The following SCAND3 variants were observed in gnomAD, a reference collection of about 807,000 sequenced individuals.
SCAND3 encodes SCAN domain containing 3.
At chr6:28,608,069 C>A in the SCAND3 span, among the ~76,000 whole-genome samples, 1 of 152,212 alleles carries the variant, frequency 6.6e-6, no homozygotes, top group South Asian at 2.1e-4. Flanking sequence ...GTAAACACTG[C>A]GTTCAAGGAG....
chr6:28,615,150 C>T, the SCAND3 span, among the ~76,000 whole-genome samples: 1 of 152,212 alleles, frequency 6.6e-6, no homozygotes, highest in Admixed American at 6.5e-5. Context: ...CAGCCTCCTT[C>T]TCCTCCTGCC....
At chr6:28,597,106 C>T in the SCAND3 span, among the ~76,000 whole-genome samples, 1 of 152,248 alleles carries the variant, frequency 6.6e-6, no homozygotes, top group East Asian at 1.9e-4. Flanking sequence ...TAAACACTAC[C>T]CAAATGTTTC....
chr6:28,612,719 A>G, the SCAND3 span, among the ~76,000 whole-genome samples: 2 of 152,324 alleles, frequency 1.3e-5, no homozygotes, highest in South Asian at 4.1e-4. Context: ...TCAATTAAGG[A>G]CTTAAGTTTG....
the SCAND3 span, among the ~76,000 whole-genome samples, chr6:28,604,537 G>T: frequency 5.3e-5 from 8 of 151,018 alleles, no homozygotes; most frequent in East Asian, 1.6e-3. Flanking sequence ...AATTGCTTGA[G>T]CCCGGGACGC....
chr6:28,605,555 C>T, the SCAND3 span, among the ~76,000 whole-genome samples: 51 of 151,916 alleles, frequency 3.4e-4, no homozygotes, highest in African/African-American at 1.2e-3. Context: ...GAAATGAGGC[C>T]GGGAGCAGTG....
the SCAND3 span, among the ~76,000 whole-genome samples, chr6:28,578,584 G>A: frequency 6.6e-6 from 1 of 152,228 alleles, no homozygotes; most frequent in Non-Finnish European, 1.5e-5. Context: ...TTTGTGCCAT[G>A]CTATAGAACT....
chr6:28,572,609 T>C, the SCAND3 span: 1 of 1,614,012 alleles, frequency 6.2e-7, no homozygotes, highest in Admixed American at 1.7e-5. The surrounding 1 kb of genome is among the most constrained non-coding windows in gnomAD (Gnocchi z 4.1). Flanking sequence ...TTCACATCTT[T>C]AAAAAGTTGG....
the SCAND3 span, among the ~76,000 whole-genome samples, chr6:28,600,843 TGTTC>T: frequency 6.6e-6 from 1 of 151,948 alleles, no homozygotes; most frequent in African/African-American, 2.4e-5. Flanking sequence ...TGGTTTTGTT[TGTTC>T]GTTCTTTTTG....
chr6:28,573,717 C>G, the SCAND3 span: 4 of 1,609,012 alleles, frequency 2.5e-6, no homozygotes, highest in Non-Finnish European at 3.4e-6. Context: ...TTTTGGTTTT[C>G]CCTTCTTCAG....
the SCAND3 span, among the ~76,000 whole-genome samples, chr6:28,615,641 T>TG: frequency 6.6e-6 from 1 of 150,970 alleles, no homozygotes; most frequent in Non-Finnish European, 1.5e-5. Flanking sequence ...AAAAAGTACT[T>TG]GGAGTTGTCA....
the SCAND3 span, chr6:28,589,443 T>C: frequency 6.6e-6 from 1 of 152,182 alleles, no homozygotes; most frequent in African/African-American, 2.4e-5. Context: ...CGAATCTCGG[T>C]GGGACCTTTC....
chr6:28,579,299 G>A, the SCAND3 span: 25 of 1,613,764 alleles, frequency 1.5e-5, no homozygotes, highest in Non-Finnish European at 2.0e-5. The surrounding 1 kb of genome is among the most constrained non-coding windows in gnomAD (Gnocchi z 4.5). Flanking sequence ...TGTGGCTCTG[G>A]AGATTCACAT....
chr6:28,579,308 A>C, the SCAND3 span: 136 of 1,614,034 alleles, frequency 8.4e-5, no homozygotes, highest in African/African-American at 1.6e-3. The surrounding 1 kb of genome is among the most constrained non-coding windows in gnomAD (Gnocchi z 4.5). Flanking sequence ...GGAGATTCAC[A>C]TTCCATTCTA....
At chr6:28,571,808 C>A in the SCAND3 span, 1 of 1,426,416 alleles carries the variant, frequency 7.0e-7, no homozygotes, top group Non-Finnish European at 9.3e-7. Context: ...ACTTCCATAA[C>A]TGTAACTAGA....
chr6:28,579,541 G>T, the SCAND3 span: 1 of 908,146 alleles, frequency 1.1e-6, no homozygotes, highest in Non-Finnish European at 1.7e-6. The surrounding 1 kb of genome is among the most constrained non-coding windows in gnomAD (Gnocchi z 4.5). Flanking sequence ...GAATTCTTAA[G>T]TACAAGATAA....
At chr6:28,590,082 C>T in the SCAND3 span, 1 of 152,236 alleles carries the variant, frequency 6.6e-6, no homozygotes, top group Admixed American at 6.5e-5. Context: ...GTCTTCCAGC[C>T]GGAGAGAAAA....
the SCAND3 span, chr6:28,591,398 C>T: frequency 6.6e-6 from 1 of 152,132 alleles, no homozygotes; most frequent in South Asian, 2.1e-4. Flanking sequence ...TATAAAAACT[C>T]CACCCTTGAA....
chr6:28,605,838 C>G, the SCAND3 span, among the ~76,000 whole-genome samples: 1 of 152,040 alleles, frequency 6.6e-6, no homozygotes. Flanking sequence ...GGGCGAGACT[C>G]TGTCTCAGAA....
chr6:28,575,712 T>C, the SCAND3 span: 4 of 1,613,992 alleles, frequency 2.5e-6, no homozygotes, highest in African/African-American at 5.3e-5. This position sits in a 1 kb window ranked among gnomAD's most constrained non-coding sequence, Gnocchi z 4.2. Context: ...TGTATTTCGC[T>C]TGTAACTCTT....
Sources: allele counts gnomAD v4.1 joint callset (sites outside exome capture counted in the v4.1 genomes callset), GRCh38; gene constraint gnomAD v4.1.1; non-coding constraint Gnocchi (gnomAD v3.1); transcripts MANE v1.5; gene names NCBI Gene and HGNC (gene_info 2026-07-23, HGNC 2026-07-21).